Variants in TENM2 observed in about 807,000 individuals in gnomAD.
The protein encoded by TENM2 is teneurin transmembrane protein 2.
A neutral mutation model predicts 245.2 loss-of-function variants in TENM2; 52 were observed. The observed-to-expected ratio is 0.21, with a 90% CI of 0.17 to 0.27. The LOEUF is 0.27. TENM2 is among the 10% of genes least tolerant of loss of function. The pLI is 1.00. For synonymous variants in TENM2, 1,363 were observed against 1,438.9 expected (o/e 0.95, Z 1.19); for missense variants, 3,046 against 3,666.8 (o/e 0.83, Z 4.37).
intron 2 of TENM2, among the ~76,000 whole-genome samples, chr5:167,414,169 A>G (rs1028090013): frequency 1.3e-5 from 2 of 152,142 alleles, no homozygotes; most frequent in African/African-American, 4.8e-5. Context: ...GGAAAGATTC[A>G]TACCAGGTAG....
intron 2 of TENM2, among the ~76,000 whole-genome samples, chr5:167,703,464 G>T (rs146107091): frequency 6.7e-6 from 1 of 148,268 alleles, no homozygotes; most frequent in Non-Finnish European, 1.5e-5. Context: ...CCCAGGAGGC[G>T]GAGGTTGCAG....
At chr5:167,854,847 A>G (rs1274518885) in intron 2 of TENM2, among the ~76,000 whole-genome samples, 1 of 152,152 alleles carries the variant, frequency 6.6e-6, no homozygotes, top group Non-Finnish European at 1.5e-5. Flanking sequence ...TTCAAAATGC[A>G]TCCAGATTCT....
the TENM2 span, among the ~76,000 whole-genome samples, chr5:167,068,077 A>C: frequency 6.6e-6 from 1 of 152,232 alleles, no homozygotes; most frequent in Non-Finnish European, 1.5e-5. Context: ...GAACAACCAT[A>C]ACTTTAGTAG....
rs982740632 is a variant in TENM2 at position 168,208,686 on chromosome 5, C to T, written c.3825-3048C>T. ...AGAAAAGTCATGAAGCACTCAATCCCGAATAAAAGTAAAAACAATGTCCCC... is the reference window on the plus strand; with the variant it reads ...AGAAAAGTCATGAAGCACTCAATCCTGAATAAAAGTAAAAACAATGTCCCC... On this transcript the variant is annotated intron_variant, in intron 19 of 28. Transcript: ENST00000518659. Among the ~76,000 whole-genome samples the T allele has an allele frequency of 4.6e-5, 7 of 152,132 alleles. No homozygotes were observed. In the East Asian group the frequency reaches 5.8e-4, roughly 13 times the overall value.
At chr5:168,127,261 G>A (rs1240737825) in intron 12 of TENM2, among the ~76,000 whole-genome samples, 1 of 152,214 alleles carries the variant, frequency 6.6e-6, no homozygotes, top group Admixed American at 6.5e-5. Flanking sequence ...TCTGGGGGTT[G>A]CAAGCACCTC....
At chr5:168,171,780 A>C (rs74512059) in intron 13 of TENM2, among the ~76,000 whole-genome samples, 1 of 152,220 alleles carries the variant, frequency 6.6e-6, no homozygotes, top group African/African-American at 2.4e-5. Context: ...AATTTTAATC[A>C]TGTAAATCAC....
At chr5:167,702,017 G>C (rs1758173086) in intron 2 of TENM2, among the ~76,000 whole-genome samples, 4 of 152,066 alleles carry the variant, frequency 2.6e-5, no homozygotes, top group Admixed American at 2.6e-4. Context: ...TTCAATTCAA[G>C]GAATTTTCAA....
chr5:168,178,747 A>G (rs985724818), intron 13 of TENM2, among the ~76,000 whole-genome samples: 1 of 152,236 alleles, frequency 6.6e-6, no homozygotes, highest in African/African-American at 2.4e-5. Flanking sequence ...GAGGGTACCT[A>G]TATATGGCTG....
At chr5:167,136,567 G>A in the TENM2 span, among the ~76,000 whole-genome samples, 1 of 152,124 alleles carries the variant, frequency 6.6e-6, no homozygotes, top group Non-Finnish European at 1.5e-5. Flanking sequence ...TTGGGATGGA[G>A]CTAATTAAAT....
chr5:167,798,038 T>C (rs1327516980), intron 2 of TENM2, among the ~76,000 whole-genome samples: 3 of 152,268 alleles, frequency 2.0e-5, no homozygotes, highest in Non-Finnish European at 4.4e-5. Flanking sequence ...CCAGAAACTA[T>C]GCAAAGTGCA....
At position 167,888,010 on chromosome 5, in the gene TENM2, A is replaced by AAC. The variant is rs769524614; in HGVS notation, c.712+11816_712+11817dup. Among the ~76,000 whole-genome samples the AAC allele has an allele frequency of 2.6e-5, 4 of 152,220 alleles. No individual in the cohort carries two copies. In the East Asian group the frequency reaches 7.7e-4, roughly 29 times the overall value. On this transcript the variant is annotated intron_variant, in intron 3 of 28. Transcript: ENST00000518659. Reference sequence around the variant, plus strand: ...TCCCTGCGTGTGTCTGTCGGTCTCTAACTCTCTCTCCTTATAGGGATACCA... The same window carrying AAC: ...TCCCTGCGTGTGTCTGTCGGTCTCTAACACTCTCTCTCCTTATAGGGATACCA...
At chr5:168,052,989 G>A (rs1789239066) in intron 6 of TENM2, among the ~76,000 whole-genome samples, 1 of 152,158 alleles carries the variant, frequency 6.6e-6, no homozygotes, top group Non-Finnish European at 1.5e-5. Flanking sequence ...TTAGCAGGGA[G>A]GTTCGTAAAT....
intron 2 of TENM2, among the ~76,000 whole-genome samples, chr5:167,551,454 T>C (rs1772935630): frequency 6.6e-6 from 1 of 152,148 alleles, no homozygotes; most frequent in Non-Finnish European, 1.5e-5. Flanking sequence ...TATACATCTG[T>C]CAACAGTAAA....
chr5:167,460,328 A>G (rs1271948188), intron 2 of TENM2, among the ~76,000 whole-genome samples: 1 of 152,120 alleles, frequency 6.6e-6, no homozygotes, highest in Non-Finnish European at 1.5e-5. Context: ...TTGGTTTAAA[A>G]CCATTTTCAT....
At chr5:168,224,266 C>T (rs757881353) in intron 23 of TENM2, among the ~76,000 whole-genome samples, 30 of 152,268 alleles carry the variant, frequency 2.0e-4, no homozygotes, top group South Asian at 6.2e-4. Context: ...GCATGGTCTG[C>T]GCCACCCCAT....
intron 12 of TENM2, among the ~76,000 whole-genome samples, chr5:168,154,362 G>A (rs1436161311): frequency 1.3e-5 from 2 of 151,932 alleles, no homozygotes; most frequent in African/African-American, 4.8e-5. Context: ...GATTATAGGT[G>A]CCTGCCACCA....
the TENM2 span, among the ~76,000 whole-genome samples, chr5:167,268,513 A>G: frequency 1.3e-5 from 2 of 152,170 alleles, no homozygotes; most frequent in African/African-American, 4.8e-5. Context: ...TTCTGGCAAA[A>G]GAAGTCCTCA....
At chr5:168,045,226 C>T (rs1481723646) in intron 5 of TENM2, among the ~76,000 whole-genome samples, 1 of 152,094 alleles carries the variant, frequency 6.6e-6, no homozygotes, top group East Asian at 1.9e-4. Context: ...CTAACCCTTT[C>T]CACCTCATCT....
At chr5:167,700,293 A>G (rs1758053617) in intron 2 of TENM2, among the ~76,000 whole-genome samples, 1 of 152,188 alleles carries the variant, frequency 6.6e-6, no homozygotes, top group Admixed American at 6.5e-5. Flanking sequence ...TTAAGATGAA[A>G]GTAATTAAGA....
Sources: gnomAD v4.1 joint callset for allele counts (sites outside exome capture counted in the v4.1 genomes callset) on GRCh38, gnomAD v4.1.1 for gene constraint, MANE v1.5 for transcripts, NCBI Gene and HGNC (gene_info 2026-07-23, HGNC 2026-07-21) for gene names.